Variants in SLC46A3 observed in about 807,000 individuals in gnomAD.
SLC46A3 encodes lysosomal proton-coupled steroid conjugate and bile acid symporter SLC46A3.
A neutral mutation model predicts 38.5 loss-of-function variants in SLC46A3; 26 were observed. That is an observed-to-expected ratio of 0.68 (90% CI 0.49 to 0.94). The LOEUF (loss-of-function observed/expected upper bound fraction) is 0.94, where lower values mean the gene tolerates loss of function less well. SLC46A3 is among the 40% of genes least tolerant of loss of function. The probability of loss-of-function intolerance (pLI) is 0.00; values close to 1 mark genes in which losing one functional copy is unlikely to be tolerated. For missense variants in SLC46A3, 510 were observed against 544.3 expected (o/e 0.94, Z 0.63); for synonymous variants, 185 against 192.5 (o/e 0.96, Z 0.32).
chr13:28,704,352 C>G (rs1373530870), intron 4 of SLC46A3: 1 of 423,946 alleles, frequency 2.4e-6, no homozygotes, highest in Non-Finnish European at 4.3e-6. Flanking sequence ...TAGCTGAGTT[C>G]CAGTGTCCAC....
chr13:28,702,299 TAAGTC>T (rs1249079829), intron 5 of SLC46A3, among the ~76,000 whole-genome samples: 1 of 152,170 alleles, frequency 6.6e-6, no homozygotes, highest in Non-Finnish European at 1.5e-5. Context: ...TCTTGTTAGT[TAAGTC>T]ATTTTTCATG....
At chr13:28,710,670 A>C in intron 4 of SLC46A3, 90 bp downstream of exon 4, 2 of 982,080 alleles carry the variant, frequency 2.0e-6, no homozygotes, top group Non-Finnish European at 3.2e-6. Context: ...AAAGGGCTGT[A>C]GAATATTCTG....
rs943328623 is a variant in SLC46A3, at chr13:28,718,820, G to C, written c.-349C>G. The C allele has an allele frequency of 6.6e-6, 1 of 152,388 alleles. No homozygotes were observed. The highest frequency in any genetic ancestry group is 2.4e-5 in the African/African-American group (1 of 41,464). The allele number at this position is 152,388 out of a possible 1,614,324, so 9.4% of individuals were successfully genotyped here. A position where few individuals can be genotyped will look rare whatever the true frequency, so the allele number is the denominator to read the frequency against. On this transcript the variant is annotated 5_prime_UTR_variant, in exon 1 of 6. Coordinates refer to ENST00000266943, the MANE Select transcript of SLC46A3 (RefSeq NM_181785.4). ...CCCTCGGCTTCCCCGCGGCCCTGCG[G>C]ACCTCGGCCTCAGCGCGGCGCGGCG...
intron 2 of SLC46A3, among the ~76,000 whole-genome samples, chr13:28,715,864 G>C (rs1183888410): frequency 1.3e-5 from 2 of 151,868 alleles, no homozygotes; most frequent in Non-Finnish European, 2.9e-5. Context: ...AAATAAGACC[G>C]GGCACGGTGG....
In SLC46A3 at chr13:28,700,167, C is replaced by T. The variant is rs553312088; in HGVS notation, c.*1330G>A. 2.6e-5 allele frequency: 4 copies of T among 152,206 alleles called. No individual in the cohort carries two copies. The South Asian group carries it at 8.3e-4, about 31-fold the overall frequency. The allele number at this position is 152,206 out of a possible 1,614,324, so 9.4% of individuals were successfully genotyped here. A position where few individuals can be genotyped will look rare whatever the true frequency, so the allele number is the denominator to read the frequency against. ...GGCGATGATTGTCAGGTAGCAGAAA[C>T]AATTACAAGTCGATGGAAAATGCTG... On this transcript the variant is annotated 3_prime_UTR_variant, in exon 6 of 6. Coordinates refer to ENST00000266943, the MANE Select transcript of SLC46A3 (RefSeq NM_181785.4).
intron 3 of SLC46A3, 152 bp downstream of exon 3, chr13:28,712,528 T>G (rs1397242523): frequency 1.5e-6 from 1 of 671,466 alleles, no homozygotes; most frequent in East Asian, 3.4e-5. Flanking sequence ...TTTTGGCTTA[T>G]TGACTCCTGG....
Position 28,704,086 on chromosome 13 carries a change from A to C in SLC46A3, c.1158T>G (p.Ala386=), listed in dbSNP as rs1249874607. 2 of 1,613,144 alleles carry C rather than the reference A, an allele frequency of 1.2e-6. No individual in the cohort carries two copies. The highest frequency in any genetic ancestry group is 1.7e-4 in the Middle Eastern group (1 of 6,054). The change falls in exon 5 of 6, where the codon GCT becomes GCG. Residue 386 remains alanine (A), a synonymous_variant. Coordinates refer to ENST00000266943, the MANE Select transcript of SLC46A3 (RefSeq NM_181785.4). ...VRSTEQGTLF[A]CIAFLETLGG... ...CAAGTGTTTCTAAGAAAGCAATACA[A>C]GCAAACAGGGTACCTGTTTGGAGTA...
chr13:28,711,439 CA>C (rs946958974), intron 3 of SLC46A3, among the ~76,000 whole-genome samples: 60 of 140,108 alleles, frequency 4.3e-4, no homozygotes, highest in South Asian at 1.8e-3. Flanking sequence ...AAAAAAAAAA[CA>C]AAAAAAAAAA....
chr13:28,717,788 T>C, intron 2 of SLC46A3, 22 bp downstream of exon 2: 1 of 1,604,092 alleles, frequency 6.2e-7, no homozygotes, highest in Non-Finnish European at 8.5e-7. Flanking sequence ...TATTAAATAC[T>C]ATGGATATTG....
At position 28,701,168 on chromosome 13, in the gene SLC46A3, A is replaced by G. The variant is rs1301348583; in HGVS notation, c.*329T>C. ...TAAGAGCCTGGAATATGTCAGAGAG[A>G]TTATTGCTTTTGACCTTATCAAGTT... On this transcript the variant is annotated 3_prime_UTR_variant, in exon 6 of 6. Transcript: ENST00000266943. 4 of 1,411,094 alleles carry G rather than the reference A, an allele frequency of 2.8e-6. No individual in the cohort carries two copies. The highest frequency in any genetic ancestry group is 3.7e-6 in the Non-Finnish European group (4 of 1,082,428). 87.4% of individuals were successfully genotyped at this position (1,411,094 alleles called of 1,614,324 possible).
At chr13:28,716,234 G>A (rs1369808552) in intron 2 of SLC46A3, among the ~76,000 whole-genome samples, 1 of 152,062 alleles carries the variant, frequency 6.6e-6, no homozygotes, top group African/African-American at 2.4e-5. Flanking sequence ...TCCAGTCAAG[G>A]TTAAAAAACA....
chr13:28,701,131 T>C lies in SLC46A3; in HGVS notation c.*366A>G. 1 of 1,439,740 alleles carries C rather than the reference T, an allele frequency of 6.9e-7. No homozygotes were observed. Among genetic ancestry groups the C allele is most frequent in the Non-Finnish European group, 9.1e-7 (1 of 1,096,732 alleles). The allele number at this position is 1,439,740 out of a possible 1,614,324, so 89.2% of individuals were successfully genotyped here. On this transcript the variant is annotated 3_prime_UTR_variant, in exon 6 of 6. Coordinates refer to ENST00000266943, the MANE Select transcript of SLC46A3 (RefSeq NM_181785.4). The stretch of plus-strand genomic sequence containing the variant: ...AAGAAACTGAGGTAAAGATTTCTCT[T>C]TGGTCTCAGTGTAAGAGCCTGGAAT...
rs748159329 is a variant in SLC46A3, at chr13:28,713,332, G to GAAGGT, written c.403_407dup (p.Phe136LeufsTer22). The GAAGGT allele has an allele frequency of 6.2e-7, 1 of 1,614,022 alleles. No individual in the cohort carries two copies. The highest frequency in any genetic ancestry group is 8.5e-7 in the Non-Finnish European group (1 of 1,180,028). ...TATAATTGCCACAAAATGCACCAAT[G>GAAGGT]AAGGTAGATGCAATCAAAAGCTGGA... On this transcript the variant is annotated frameshift_variant, in exon 3 of 6. Transcript: ENST00000266943. LOFTEE classifies it high-confidence loss of function.
rs1430323025 is a variant in SLC46A3, at chr13:28,712,584, AG to A, written c.1060+95del. The A allele has an allele frequency of 3.9e-6, 5 of 1,275,144 alleles. No homozygotes were observed. In the East Asian group the frequency reaches 1.3e-4, roughly 33 times the overall value. The allele number at this position is 1,275,144 out of a possible 1,614,324, so 79.0% of individuals were successfully genotyped here. A position where few individuals can be genotyped will look rare whatever the true frequency, so the allele number is the denominator to read the frequency against. ...AATTGAACTAGAATGGCTTAAATAGAGGGCTTTAGATTAAAGTTTCTCCCCC... is the reference window on the plus strand; with the variant it reads ...AATTGAACTAGAATGGCTTAAATAGAGGCTTTAGATTAAAGTTTCTCCCCC... On this transcript the variant is annotated intron_variant, in intron 3 of 5. Transcript: ENST00000266943.
At position 28,714,710 on chromosome 13, in the gene SLC46A3, T is replaced by C. The variant is rs536711444; in HGVS notation, c.190-1160A>G. ...GTTGCAATGAGCTGAGATTGTGCCA[T>C]TGCACTCCAGCCTGGGTGACACAGT... On this transcript the variant is annotated intron_variant, in intron 2 of 5. Coordinates refer to ENST00000266943, the MANE Select transcript of SLC46A3 (RefSeq NM_181785.4). Among the ~76,000 whole-genome samples the C allele has an allele frequency of 7.8e-4, 119 of 152,258 alleles. 1 individual carries two copies. Among genetic ancestry groups the C allele is most frequent in the African/African-American group, 1.6e-3 (65 of 41,554 alleles).
intron 5 of SLC46A3, among the ~76,000 whole-genome samples, chr13:28,702,331 A>G (rs904688319): frequency 6.6e-6 from 1 of 152,110 alleles, no homozygotes; most frequent in African/African-American, 2.4e-5. Context: ...CTGTACCATC[A>G]TTTACTTAAA....
intron 3 of SLC46A3, among the ~76,000 whole-genome samples, chr13:28,711,798 G>C (rs1885352164): frequency 6.6e-6 from 1 of 152,162 alleles, no homozygotes; most frequent in African/African-American, 2.4e-5. Flanking sequence ...CAGCTCTTAG[G>C]GAGACAGGGA....
At position 28,710,745 on chromosome 13, in the gene SLC46A3, G is replaced by A. The variant is rs1459862142; in HGVS notation, c.1144+15C>T. On this transcript the variant is annotated intron_variant, in intron 4 of 5. Coordinates refer to ENST00000266943, the MANE Select transcript of SLC46A3 (RefSeq NM_181785.4). The stretch of plus-strand genomic sequence containing the variant: ...AAGATGGTAGATTCATATTTCTTAA[G>A]CAAATTAAACTCACCTTGTTCAGTC... The A allele has an allele frequency of 1.9e-6, 3 of 1,584,396 alleles. No individual in the cohort carries two copies. The highest frequency in any genetic ancestry group is 1.7e-6 in the Non-Finnish European group (2 of 1,155,074).
Position 28,717,848 on chromosome 13 carries a change from C to A in SLC46A3, c.151G>T (p.Glu51Ter). 6.2e-7 allele frequency: 1 copy of A among 1,612,504 alleles called. No individual in the cohort carries two copies. The highest frequency in any genetic ancestry group is 8.5e-7 in the Non-Finnish European group (1 of 1,179,610). ...AAAATTGGGCTGCTTTTGTTTTTTTCACACTCAGAAATATTGCTATCAGAT... is the reference window on the plus strand; with the variant it reads ...AAAATTGGGCTGCTTTTGTTTTTTTAACACTCAGAAATATTGCTATCAGAT... The part of the protein sequence containing the change: ...FSSDSNISEC[E>*]KNKSSPIFAF... Residue 51 changes from glutamate (E) to a stop codon, truncating the protein, a stop_gained, in exon 2 of 6, where the codon GAA becomes TAA. Coordinates refer to ENST00000266943, the MANE Select transcript of SLC46A3 (RefSeq NM_181785.4). LOFTEE classifies it high-confidence loss of function.
Sources: gnomAD v4.1 joint callset for allele counts (sites outside exome capture counted in the v4.1 genomes callset) on GRCh38, gnomAD v4.1.1 for gene constraint, MANE v1.5 for transcripts, NCBI Gene and HGNC (gene_info 2026-07-23, HGNC 2026-07-21) for gene names.